The following NEK11 variants were observed in gnomAD, a reference collection of about 807,000 sequenced individuals.
The protein encoded by NEK11 is serine/threonine-protein kinase Nek11.
NEK11 carries 72 observed loss-of-function variants against 80.7 expected under a neutral mutation model. That is an observed-to-expected ratio of 0.89 (90% CI 0.74 to 1.08). The LOEUF is 1.08. Ranked by LOEUF, NEK11 falls within the 50% of genes least tolerant of loss-of-function variation. The pLI is 0.00. For synonymous variants in NEK11, 251 were observed against 260.7 expected (o/e 0.96, Z 0.36); for missense variants, 764 against 763.6 (o/e 1.00, Z -0.01).
intron 14 of NEK11, chr3:131,184,744 A>G (rs919698903): frequency 3.2e-6 from 4 of 1,247,106 alleles, no homozygotes; most frequent in Non-Finnish European, 3.1e-6. Context: ...TGGAAAAATG[A>G]AAAATAAAGG....
intron 17 of NEK11, among the ~76,000 whole-genome samples, chr3:131,320,686 G>A (rs2096888439): frequency 1.3e-5 from 2 of 152,032 alleles, no homozygotes. Flanking sequence ...TAGAAAGCTG[G>A]CCTGATCCTA....
At chr3:131,207,416 T>A (rs896356929) in intron 14 of NEK11, among the ~76,000 whole-genome samples, 1 of 152,092 alleles carries the variant, frequency 6.6e-6, no homozygotes, top group Admixed American at 6.5e-5. Context: ...ACGCTATCTC[T>A]ACTAAAAATA....
chr3:131,232,309 G>C (rs2095345515), intron 15 of NEK11, among the ~76,000 whole-genome samples: 1 of 152,174 alleles, frequency 6.6e-6, no homozygotes, highest in Non-Finnish European at 1.5e-5. Flanking sequence ...ATGGCTTAGG[G>C]CTACAGGCTG....
At position 131,203,173 on chromosome 3, in the gene NEK11, T is replaced by C. The variant is rs146749442; in HGVS notation, c.1400-25355T>C. Among the ~76,000 whole-genome samples the C allele has an allele frequency of 1.5e-4, 23 of 152,222 alleles. No individual in the cohort carries two copies. In the East Asian group the frequency reaches 3.9e-3, roughly 26 times the overall value. The stretch of plus-strand genomic sequence containing the variant: ...TATTCACAATAGCAAACACTTGGAA[T>C]CAACCCAAATGTCCATCAATGATAG... On this transcript the variant is annotated intron_variant, in intron 14 of 17. Transcript: ENST00000383366.
intron 14 of NEK11, among the ~76,000 whole-genome samples, chr3:131,189,782 T>A (rs1242805328): frequency 6.6e-6 from 1 of 152,190 alleles, no homozygotes; most frequent in African/African-American, 2.4e-5. Flanking sequence ...TGTGCCTCAG[T>A]TTCCTCATCT....
At chr3:131,163,344 C>T (rs1192450360) in intron 11 of NEK11, among the ~76,000 whole-genome samples, 1 of 152,078 alleles carries the variant, frequency 6.6e-6, no homozygotes, top group East Asian at 1.9e-4. Context: ...ACCTACGTAT[C>T]CATCAACAGA....
chr3:131,111,813 A>C (rs958984098), intron 5 of NEK11, among the ~76,000 whole-genome samples: 2 of 152,216 alleles, frequency 1.3e-5, no homozygotes, highest in Non-Finnish European at 2.9e-5. Flanking sequence ...GAAAATATGC[A>C]TTCAGATATT....
intron 3 of NEK11, among the ~76,000 whole-genome samples, chr3:131,064,620 G>A (rs759217422): frequency 3.9e-5 from 6 of 152,022 alleles, no homozygotes; most frequent in Admixed American, 1.3e-4. Context: ...GATAATAAAG[G>A]GTTCTAAAAT....
At position 131,170,888 on chromosome 3, in the gene NEK11, G is replaced by T; in HGVS notation, c.1399+1G>T. On this transcript the variant is annotated splice_donor_variant, in intron 14 of 17. Transcript: ENST00000383366. LOFTEE classifies it high-confidence loss of function. The stretch of plus-strand genomic sequence containing the variant: ...GCCACATCTGACCTTGGATACCATG[G>T]TATGTGTTTGCATTGATTTTCAGAA... 1 of 1,603,106 alleles carries T rather than the reference G, an allele frequency of 6.2e-7. No homozygotes were observed. The highest frequency in any genetic ancestry group is 8.5e-7 in the Non-Finnish European group (1 of 1,169,984).
chr3:131,315,496 T>TGC (rs34912308), intron 17 of NEK11, among the ~76,000 whole-genome samples: 1 of 151,540 alleles, frequency 6.6e-6, no homozygotes, highest in Non-Finnish European at 1.5e-5. Context: ...TGTGTGTGTG[T>TGC]ATTCATCCAT....
intron 3 of NEK11, among the ~76,000 whole-genome samples, chr3:131,044,898 A>G (rs922352452): frequency 6.6e-6 from 1 of 152,216 alleles, no homozygotes; most frequent in African/African-American, 2.4e-5. Flanking sequence ...CAAATGCAAA[A>G]GATCAGAAAT....
At chr3:131,168,680 C>T (rs973265433) in intron 12 of NEK11, 150 bp from the exon 13 acceptor site, 1 of 557,674 alleles carries the variant, frequency 1.8e-6, no homozygotes, top group South Asian at 2.5e-5. Context: ...TATAATCCCT[C>T]TGCTAATTCC....
intron 14 of NEK11, among the ~76,000 whole-genome samples, chr3:131,216,849 T>C (rs73873821): frequency 0.096 from 14,678 of 152,198 alleles, 1,188 homozygotes; most frequent in African/African-American, 0.21. Context: ...TGATTGAAAA[T>C]TACAGTTGCT....
At chr3:131,347,936 A>C (rs1431891960) in intron 17 of NEK11, among the ~76,000 whole-genome samples, 2 of 152,038 alleles carry the variant, frequency 1.3e-5, no homozygotes, top group Non-Finnish European at 2.9e-5. Flanking sequence ...AAAAATACAC[A>C]TCCTGGTTTT....
At chr3:131,230,521 T>C (rs943351684) in intron 15 of NEK11, among the ~76,000 whole-genome samples, 6 of 152,200 alleles carry the variant, frequency 3.9e-5, no homozygotes, top group African/African-American at 1.4e-4. Flanking sequence ...TTAGCTATTA[T>C]TATTATGAAG....
intron 17 of NEK11, among the ~76,000 whole-genome samples, chr3:131,326,520 G>C (rs929224279): frequency 2.6e-5 from 4 of 152,156 alleles, no homozygotes; most frequent in African/African-American, 9.7e-5. Context: ...CCAAGTCTTG[G>C]CTTGTATGAC....
intron 3 of NEK11, among the ~76,000 whole-genome samples, chr3:131,032,764 T>C (rs930587528): frequency 2.6e-5 from 4 of 152,218 alleles, no homozygotes; most frequent in Non-Finnish European, 4.4e-5. Flanking sequence ...GAATACGATA[T>C]CTGCCTATTT....
intron 16 of NEK11, among the ~76,000 whole-genome samples, chr3:131,249,148 G>T (rs529364939): frequency 6.6e-6 from 1 of 152,068 alleles, no homozygotes; most frequent in Admixed American, 6.6e-5. Flanking sequence ...AACATAAGAG[G>T]AGATGGAAGC....
At chr3:131,298,381 G>C (rs547861209) in intron 17 of NEK11, among the ~76,000 whole-genome samples, 1 of 151,482 alleles carries the variant, frequency 6.6e-6, no homozygotes, top group Non-Finnish European at 1.5e-5. Flanking sequence ...GGTCCTTCAC[G>C]TCCCTTGTAA....
Sources: gnomAD v4.1 joint callset for allele counts (sites outside exome capture counted in the v4.1 genomes callset) on GRCh38, gnomAD v4.1.1 for gene constraint, MANE v1.5 for transcripts, NCBI Gene and HGNC (gene_info 2026-07-23, HGNC 2026-07-21) for gene names.